RELL1: variants seen among roughly 807,000 people sequenced by gnomAD.
The protein encoded by RELL1 is RELT-like protein 1.
A neutral mutation model predicts 23.0 loss-of-function variants in RELL1; 10 were observed. The observed-to-expected ratio is 0.43, with a 90% CI of 0.27 to 0.74. The LOEUF (loss-of-function observed/expected upper bound fraction) is 0.74. Ranked by LOEUF, RELL1 falls within the 30% of genes least tolerant of loss-of-function variation. The pLI, the probability that RELL1 is intolerant of heterozygous loss-of-function variation, is 0.19. For missense variants in RELL1, 315 were observed against 364.4 expected (o/e 0.86, Z 1.10); for synonymous variants, 146 against 146.8 (o/e 0.99, Z 0.04).
intron 1 of RELL1, among the ~76,000 whole-genome samples, chr4:37,678,771 T>C (rs1221961755): frequency 6.6e-6 from 1 of 152,254 alleles, no homozygotes; most frequent in Admixed American, 6.5e-5. Flanking sequence ...ACAACAATGC[T>C]ATGAGGCAGC....
At chr4:37,623,104 A>C (rs972380156) in intron 6 of RELL1, 2 of 319,050 alleles carry the variant, frequency 6.3e-6, no homozygotes, top group Non-Finnish European at 6.1e-6. Flanking sequence ...CACCCGGCCA[A>C]GAAATACTTT....
At chr4:37,630,969 C>T (rs898705801) in intron 6 of RELL1, among the ~76,000 whole-genome samples, 1 of 151,758 alleles carries the variant, frequency 6.6e-6, no homozygotes, top group African/African-American at 2.4e-5. Flanking sequence ...CTGCCAATAT[C>T]GAAAATCAGT....
intron 6 of RELL1, among the ~76,000 whole-genome samples, chr4:37,596,721 TATATATATA>T (rs1718859066): frequency 1.6e-4 from 2 of 12,878 alleles, no homozygotes; most frequent in South Asian, 1.8e-3. Context: ...TATATATATA[TATATATATA>T]TATATATTTT....
intron 2 of RELL1, 61 bp downstream of exon 2, chr4:37,649,215 A>G: frequency 7.7e-7 from 1 of 1,303,452 alleles, no homozygotes; most frequent in Non-Finnish European, 1.1e-6. Context: ...AGCATATATC[A>G]CTGGTTTCAT....
At chr4:37,604,886 C>CACACACAA (rs1719138228) in intron 6 of RELL1, among the ~76,000 whole-genome samples, 1 of 84,548 alleles carries the variant, frequency 1.2e-5, no homozygotes, top group Non-Finnish European at 2.3e-5. Flanking sequence ...CACATACACA[C>CACACACAA]AGACACACAC....
At chr4:37,671,137 C>T (rs1349326652) in intron 1 of RELL1, among the ~76,000 whole-genome samples, 6 of 152,202 alleles carry the variant, frequency 3.9e-5, no homozygotes, top group Non-Finnish European at 8.8e-5. Flanking sequence ...ACTGACCCCA[C>T]TTCAGATGCC....
At chr4:37,662,425 G>A (rs757711336) in intron 1 of RELL1, among the ~76,000 whole-genome samples, 2 of 152,062 alleles carry the variant, frequency 1.3e-5, no homozygotes, top group Non-Finnish European at 1.5e-5. Flanking sequence ...TTTATGCTGA[G>A]CCTCAACAGA....
intron 1 of RELL1, among the ~76,000 whole-genome samples, chr4:37,656,824 C>T (rs755030511): frequency 1.3e-5 from 2 of 152,218 alleles, no homozygotes; most frequent in South Asian, 2.1e-4. Context: ...TCACTGATGT[C>T]ATGAAGCAGC....
At chr4:37,599,532 AG>A in intron 6 of RELL1, among the ~76,000 whole-genome samples, 1 of 152,310 alleles carries the variant, frequency 6.6e-6, no homozygotes, top group Non-Finnish European at 1.5e-5. Context: ...TTCTAACAAA[AG>A]CTTTATGATT....
chr4:37,598,730 G>T (rs1165819837), intron 6 of RELL1, among the ~76,000 whole-genome samples: 1 of 152,030 alleles, frequency 6.6e-6, no homozygotes, highest in East Asian at 1.9e-4. Context: ...TGTCACCCAG[G>T]CTGGAGTGCA....
intron 6 of RELL1, chr4:37,623,517 T>G (rs1472344778): frequency 6.6e-6 from 1 of 152,248 alleles, no homozygotes; most frequent in African/African-American, 2.4e-5. Flanking sequence ...GCTCTTCATC[T>G]GTAAAATAGG....
chr4:37,618,540 T>G (rs1719652390), intron 6 of RELL1, among the ~76,000 whole-genome samples: 1 of 152,130 alleles, frequency 6.6e-6, no homozygotes, highest in Admixed American at 6.5e-5. Context: ...ACCCAGCATC[T>G]ACTTCAATCT....
chr4:37,603,344 C>T (rs772428003), intron 6 of RELL1, among the ~76,000 whole-genome samples: 116 of 152,276 alleles, frequency 7.6e-4, no homozygotes, highest in Non-Finnish European at 3.5e-4. Flanking sequence ...AGTGAGGGTA[C>T]CCTGGGGAGA....
intron 1 of RELL1, among the ~76,000 whole-genome samples, chr4:37,663,624 T>C (rs2109300345): frequency 6.6e-6 from 1 of 152,248 alleles, no homozygotes; most frequent in African/African-American, 2.4e-5. Flanking sequence ...CATCTCTCAT[T>C]ACCCCCATTC....
At chr4:37,629,867 G>A (rs1720062573) in intron 6 of RELL1, among the ~76,000 whole-genome samples, 1 of 152,188 alleles carries the variant, frequency 6.6e-6, no homozygotes, top group African/African-American at 2.4e-5. Flanking sequence ...GAATCACATG[G>A]TAATAATCAG....
intron 6 of RELL1, among the ~76,000 whole-genome samples, chr4:37,617,316 A>C (rs2048257): frequency 1.3e-5 from 2 of 152,138 alleles, no homozygotes; most frequent in African/African-American, 4.8e-5. Flanking sequence ...GGTAAGACCC[A>C]GTACTAATGT....
chr4:37,620,824 T>C (rs971840477), intron 6 of RELL1, among the ~76,000 whole-genome samples: 10 of 152,360 alleles, frequency 6.6e-5, no homozygotes, highest in African/African-American at 2.4e-4. Flanking sequence ...ACACTTTTAT[T>C]GGCTACATGT....
chr4:37,652,609 G>C (rs1372870613), intron 1 of RELL1, among the ~76,000 whole-genome samples: 2 of 152,080 alleles, frequency 1.3e-5, no homozygotes, highest in Non-Finnish European at 2.9e-5. Context: ...TTCTTTTTTA[G>C]GGGGACAATG....
At chr4:37,683,942 A>T (rs907637822) in intron 1 of RELL1, among the ~76,000 whole-genome samples, 1 of 151,712 alleles carries the variant, frequency 6.6e-6, no homozygotes. Context: ...TTAGCCAGGC[A>T]TGGTGGCGGG....
Sources: allele counts gnomAD v4.1 joint callset (sites outside exome capture counted in the v4.1 genomes callset), GRCh38; gene constraint gnomAD v4.1.1; transcripts MANE v1.5; gene names NCBI Gene and HGNC (gene_info 2026-07-23, HGNC 2026-07-21).